Variants in HK1 observed in about 807,000 individuals in gnomAD.
HK1 encodes the protein hexokinase 1.
HK1 carries 28 observed loss-of-function variants against 91.6 expected under a neutral mutation model. The ratio of observed to expected loss-of-function variants is 0.31; its 90% CI spans 0.23 to 0.42. The LOEUF is 0.42. HK1 is among the 10% of genes least tolerant of loss of function. The probability of loss-of-function intolerance (pLI) is 1.00; values close to 1 mark genes in which losing one functional copy is unlikely to be tolerated. For synonymous variants in HK1, 430 were observed against 468.1 expected, an observed-to-expected ratio of 0.92 and a Z score of 1.05; for missense variants, 770 against 1,219.8, an observed-to-expected ratio of 0.63 and a Z score of 5.49.
At chr10:69,353,618 C>CAAA (rs71471542) in intron 2 of HK1, among the ~76,000 whole-genome samples, 5 of 116,738 alleles carry the variant, frequency 4.3e-5, no homozygotes, top group Admixed American at 1.8e-4. Flanking sequence ...CAAACAAAAC[C>CAAA]AAAAAAAAAA....
At chr10:69,316,192 T>G (rs1589471080), upstream of HK1, among the ~76,000 whole-genome samples, 1 of 150,830 alleles carries the variant, frequency 6.6e-6, no homozygotes, top group Non-Finnish European at 1.5e-5. Context: ...GCGGCCAGAG[T>G]GGAGGAAGAG....
intron 5 of HK1, among the ~76,000 whole-genome samples, chr10:69,310,615 T>C (rs1326717020): frequency 2.0e-5 from 3 of 152,152 alleles, no homozygotes; most frequent in African/African-American, 7.2e-5. Context: ...TGTAAAATAT[T>C]TGAAGAGATT....
chr10:69,279,806 A>G (rs1313428527), intron 1 of HK1, among the ~76,000 whole-genome samples: 1 of 152,228 alleles, frequency 6.6e-6, no homozygotes, highest in Non-Finnish European at 1.5e-5. Context: ...AATTTACTTA[A>G]CATTCTCCAG....
At chr10:69,305,882 C>CAAA (rs779095720) in intron 5 of HK1, among the ~76,000 whole-genome samples, 2 of 24,262 alleles carry the variant, frequency 8.2e-5, no homozygotes, top group East Asian at 8.4e-3. Context: ...ACAAAAAAAA[C>CAAA]AACAAAAAAA....
chr10:69,384,987 T>C, intron 12 of HK1, 72 bp downstream of exon 12: 1 of 1,524,158 alleles, frequency 6.6e-7, no homozygotes, highest in Non-Finnish European at 9.1e-7. Context: ...GGCTGGCCCT[T>C]GAGGCCTTCT....
intron 4 of HK1, among the ~76,000 whole-genome samples, chr10:69,366,636 C>T (rs1482648264): frequency 6.6e-6 from 1 of 152,154 alleles, no homozygotes; most frequent in Non-Finnish European, 1.5e-5. Flanking sequence ...GTTATGCTTT[C>T]AGGAAGCTGT....
At chr10:69,331,891 AT>A (rs58250913) in intron 1 of HK1, among the ~76,000 whole-genome samples, 6,427 of 150,716 alleles carry the variant, frequency 0.043, 424 homozygotes, top group African/African-American at 0.14. Context: ...AAAAAAAAAA[AT>A]TTTTTTTCTG....
At chr10:69,305,650 T>C (rs1846068093) in intron 5 of HK1, among the ~76,000 whole-genome samples, 1 of 150,428 alleles carries the variant, frequency 6.6e-6, no homozygotes, top group South Asian at 2.1e-4. Flanking sequence ...AGGTCAGGAG[T>C]TCGAGACCAG....
At chr10:69,342,162 A>AAAC (rs1564526266) in intron 1 of HK1, among the ~76,000 whole-genome samples, 4,028 of 140,986 alleles carry the variant, frequency 0.029, 70 homozygotes, top group African/African-American at 0.052. Flanking sequence ...ACCAACCCCA[A>AAAC]AAACAAACAA....
intron 9 of HK1, among the ~76,000 whole-genome samples, chr10:69,381,744 G>C (rs1284084259): frequency 6.6e-6 from 1 of 152,004 alleles, no homozygotes; most frequent in African/African-American, 2.4e-5. Flanking sequence ...AGTAGAGACG[G>C]GGTTTCACCA....
At chr10:69,389,900 A>G (rs550200524) in intron 14 of HK1, among the ~76,000 whole-genome samples, 4 of 152,356 alleles carry the variant, frequency 2.6e-5, no homozygotes, top group African/African-American at 4.8e-5. Context: ...CCTCGAGCAC[A>G]TAATTCCTGA....
chr10:69,321,726 T>A (rs1847043891), intron 1 of HK1, among the ~76,000 whole-genome samples: 1 of 152,204 alleles, frequency 6.6e-6, no homozygotes, highest in African/African-American at 2.4e-5. Flanking sequence ...ATGAGGCACA[T>A]CAATAATTCA....
intron 5 of HK1, among the ~76,000 whole-genome samples, chr10:69,302,113 G>A (rs1845903930): frequency 2.0e-5 from 3 of 151,820 alleles, no homozygotes; most frequent in Admixed American, 2.0e-4. Context: ...CAGGCGTGGA[G>A]GTAGGTGCCT....
At chr10:69,398,873 C>T in intron 17 of HK1, 45 bp downstream of exon 17, 1 of 1,482,306 alleles carries the variant, frequency 6.7e-7, no homozygotes, top group Non-Finnish European at 9.4e-7. Context: ...TGCTGGGATC[C>T]CTTTGGGTTA....
At chr10:69,344,602 C>T (rs1261614345) in intron 2 of HK1, among the ~76,000 whole-genome samples, 4 of 152,246 alleles carry the variant, frequency 2.6e-5, no homozygotes, top group Middle Eastern at 3.2e-3. Context: ...TTTCACTCTG[C>T]ATCCTGTGGC....
intron 5 of HK1, 54 bp downstream of exon 5, chr10:69,368,685 C>A: frequency 7.1e-7 from 1 of 1,415,506 alleles, no homozygotes; most frequent in Non-Finnish European, 1.0e-6. Flanking sequence ...GGGAGCAGGG[C>A]TGCATTCTAA....
At chr10:69,303,295 T>A (rs1589454521) in intron 5 of HK1, among the ~76,000 whole-genome samples, 1 of 151,706 alleles carries the variant, frequency 6.6e-6, no homozygotes, top group African/African-American at 2.4e-5. Context: ...CCCAGAGTTA[T>A]CTCTTTTTTT....
intron 4 of HK1, among the ~76,000 whole-genome samples, chr10:69,367,661 G>T (rs1849776518): frequency 6.6e-6 from 1 of 152,078 alleles, no homozygotes; most frequent in South Asian, 2.1e-4. Flanking sequence ...GTGAGCTGGG[G>T]CGGGGCCCAT....
Position 69,373,450 on chromosome 10 carries a change from G to A in HK1, c.876-3484G>A, listed in dbSNP as rs146352753. Among the ~76,000 whole-genome samples the A allele has an allele frequency of 2.6e-5, 4 of 152,282 alleles. No individual in the cohort carries two copies. The East Asian group carries it at 7.7e-4, about 29-fold the overall frequency. ...AGAGCCAGAAGGTCTGTTTCTAAAA[G>A]GGATCAGTCTTTTGGTTTCCTTGTC... On this transcript the variant is annotated intron_variant, in intron 7 of 17. Coordinates refer to ENST00000359426, the MANE Select transcript of HK1 (RefSeq NM_000188.3).
Sources: gnomAD v4.1 joint callset for allele counts (sites outside exome capture counted in the v4.1 genomes callset) on GRCh38, gnomAD v4.1.1 for gene constraint, MANE v1.5 for transcripts, NCBI Gene and HGNC (gene_info 2026-07-23, HGNC 2026-07-21) for gene names.